Variants in ATPAF2 observed in about 807,000 individuals in gnomAD.
The protein encoded by ATPAF2 is ATP synthase mitochondrial F1 complex assembly factor 2.
A neutral mutation model predicts 36.6 loss-of-function variants in ATPAF2; 30 were observed. The observed-to-expected ratio is 0.82, with a 90% confidence interval of 0.61 to 1.11. The LOEUF (loss-of-function observed/expected upper bound fraction) is 1.11. Among genes scored for constraint, ATPAF2 ranks in the 50% most tolerant of loss-of-function variants. The pLI, the probability that ATPAF2 is intolerant of heterozygous loss-of-function variation, is 0.00. For synonymous variants in ATPAF2, 140 were observed against 152.6 expected (o/e 0.92, Z 0.61); for missense variants, 321 against 372.3 (o/e 0.86, Z 1.13).
At chr17:18,017,567 A>T (rs2044402734), downstream of ATPAF2, among the ~76,000 whole-genome samples, 1 of 152,242 alleles carries the variant, frequency 6.6e-6, no homozygotes, top group African/African-American at 2.4e-5. Context: ...TCCCAGCTCC[A>T]CCATGTCACC....
chr17:18,021,837 G>A lies in ATPAF2; in HGVS notation c.524C>T (p.Ser175Phe). 6.2e-7 allele frequency: 1 copy of A among 1,614,080 alleles called. No homozygotes were observed. The highest frequency in any genetic ancestry group is 8.5e-7 in the Non-Finnish European group (1 of 1,179,936). ...GCTGGGTCCCATTATGCTGGTGGAG[G>A]AGCTGATCTCCACGCCGTATCTGAA... ...AEKRYGVEIS[S>F]STSIMGPSIP... Residue 175 changes from serine (S) to phenylalanine (F), a missense_variant, in exon 6 of 8, where the codon TCC becomes TTC. Ser to Phe is a radical substitution (Grantham distance 155). Coordinates refer to ENST00000474627, the MANE Select transcript of ATPAF2 (RefSeq NM_145691.4).
intron 7 of ATPAF2, among the ~76,000 whole-genome samples, chr17:18,019,735 A>G (rs2044441821): frequency 6.6e-6 from 1 of 152,258 alleles, no homozygotes; most frequent in Non-Finnish European, 1.5e-5. Context: ...AGAATCCACC[A>G]TGCTACACAA....
chr17:18,029,368 C>A (rs2044594587), intron 1 of ATPAF2, among the ~76,000 whole-genome samples: 1 of 152,216 alleles, frequency 6.6e-6, no homozygotes, highest in South Asian at 2.1e-4. Context: ...ATTCCCTCAA[C>A]TGATAACAAA....
chr17:18,016,060 C>T (rs1429335152), downstream of ATPAF2: 2 of 1,613,016 alleles, frequency 1.2e-6, no homozygotes, highest in African/African-American at 1.3e-5. Context: ...TTTTCACTCA[C>T]CAGCTTTTTG....
At chr17:18,022,511 C>T (rs1035579783) in intron 5 of ATPAF2, among the ~76,000 whole-genome samples, 5 of 151,890 alleles carry the variant, frequency 3.3e-5, no homozygotes, top group South Asian at 2.1e-4. Flanking sequence ...CCTGGACTCA[C>T]GCGATCTGCC....
rs117739515 is a variant in ATPAF2, at chr17:18,018,419, A to G, written c.*130T>C. On this transcript the variant is annotated 3_prime_UTR_variant, in exon 8 of 8. Transcript: ENST00000474627. ...ACTAGCGCACTGTGTCTCGGGGGGA[A>G]TCTCAGGGTGACGCTGAGGCCGAGT... 1.7e-3 allele frequency: 2,137 copies of G among 1,255,238 alleles called. 47 individuals are homozygous for G. In the East Asian group the frequency reaches 0.046, roughly 27 times the overall value. The allele number at this position is 1,255,238 out of a possible 1,614,324, so 77.8% of individuals were successfully genotyped here. A position where few individuals can be genotyped will look rare whatever the true frequency, so the allele number is the denominator to read the frequency against.
chr17:18,021,260 C>T, intron 6 of ATPAF2, 22 bp from the exon 7 acceptor site: 1 of 1,597,676 alleles, frequency 6.3e-7, no homozygotes, highest in East Asian at 2.3e-5. Context: ...CAAGCCAAGT[C>T]AGAACCCAAA....
At chr17:18,016,641 C>T, downstream of ATPAF2, 4 of 1,613,496 alleles carry the variant, frequency 2.5e-6, no homozygotes, top group Non-Finnish European at 3.4e-6. Context: ...GCGAACTGGA[C>T]AACCTGGAAT....
chr17:18,028,594 G>T (rs780212457), intron 2 of ATPAF2, 21 bp downstream of exon 2: 6 of 1,558,228 alleles, frequency 3.9e-6, no homozygotes, highest in Non-Finnish European at 5.2e-6. Flanking sequence ...AAAAGAGGCA[G>T]TCAAAATTTC....
At chr17:18,038,575 C>T (rs1024008088) in intron 1 of ATPAF2, among the ~76,000 whole-genome samples, 2 of 152,208 alleles carry the variant, frequency 1.3e-5, no homozygotes, top group Admixed American at 6.5e-5. Context: ...ATTCAGAGCC[C>T]AAACTTCCCC....
intron 5 of ATPAF2, among the ~76,000 whole-genome samples, chr17:18,023,336 G>A (rs1191305255): frequency 6.7e-6 from 1 of 150,280 alleles, no homozygotes; most frequent in South Asian, 2.1e-4. Flanking sequence ...GCTGAGGCAC[G>A]AGAATCGTTT....
rs918250076 is a variant in ATPAF2 at position 18,028,105 on chromosome 17, G to C, written c.324+127C>G. The C allele has an allele frequency of 2.6e-5, 29 of 1,124,222 alleles. 1 individual carries two copies. The highest frequency in any genetic ancestry group is 2.7e-4 in the Middle Eastern group (1 of 3,724). 69.6% of individuals were successfully genotyped at this position (1,124,222 alleles called of 1,614,324 possible). The stretch of plus-strand genomic sequence containing the variant: ...TAGCACGTTAGTGACTTGAGAGGAG[G>C]TGAATCCCTGGGGGCCAGACAGGCA... On this transcript the variant is annotated intron_variant, in intron 3 of 7. Transcript: ENST00000474627.
At chr17:18,027,407 C>T (rs1361269507) in intron 3 of ATPAF2, among the ~76,000 whole-genome samples, 2 of 152,062 alleles carry the variant, frequency 1.3e-5, no homozygotes, top group East Asian at 1.9e-4. Context: ...AGCACAGCAG[C>T]GGCTGGGATG....
At position 18,039,089 on chromosome 17, in the gene ATPAF2, C is replaced by T. The variant is rs1158242845; in HGVS notation, c.-76G>A. The T allele has an allele frequency of 1.9e-6, 3 of 1,542,896 alleles. No homozygotes were observed. Among genetic ancestry groups the T allele is most frequent in the Non-Finnish European group, 1.7e-6 (2 of 1,143,822 alleles). ...CACAGAGCGATGGGATCCCCAAAGC[C>T]GCACGGTCGGGCTGTACGGAAACCT... On this transcript the variant is annotated 5_prime_UTR_variant, in exon 1 of 8. Transcript: ENST00000474627. This position sits in a 1 kb window ranked among gnomAD's most constrained non-coding sequence, Gnocchi z 5.3.
rs551921451 is a variant in ATPAF2, at chr17:18,019,212, G to A, written c.733-526C>T. On this transcript the variant is annotated intron_variant, in intron 7 of 7. Coordinates refer to ENST00000474627, the MANE Select transcript of ATPAF2 (RefSeq NM_145691.4). ...CCCACCACCCCACCCCCAGGGAGCC[G>A]GAGCAGGCACCTGTGCTCTCTGTGG... is the stretch of plus-strand genomic sequence containing the variant. Among the ~76,000 whole-genome samples the A allele has an allele frequency of 1.7e-4, 23 of 138,572 alleles. No homozygotes were observed. The South Asian group carries it at 3.4e-3, about 20-fold the overall frequency. 90.9% of individuals were successfully genotyped at this position (138,572 alleles called of 152,430 possible). A position where few individuals can be genotyped will look rare whatever the true frequency, so the allele number is the denominator to read the frequency against.
intron 1 of ATPAF2, among the ~76,000 whole-genome samples, chr17:18,037,612 A>G (rs924238127): frequency 6.6e-6 from 1 of 151,662 alleles, no homozygotes; most frequent in Non-Finnish European, 1.5e-5. Flanking sequence ...GAAGAAGAAG[A>G]AAAAAAAAGA....
chr17:18,028,777 C>A (rs945843525), intron 1 of ATPAF2, 118 bp from the exon 2 acceptor site: 1 of 991,534 alleles, frequency 1.0e-6, no homozygotes, highest in African/African-American at 1.6e-5. Context: ...ATTTTCATAT[C>A]CCCATTCAAG....
Position 18,026,410 on chromosome 17 carries a change from A to G in ATPAF2, c.331T>C (p.Leu111=). ...GGGTTGTCCAATGATGTGTTGCACA[A>G]TGTGGTCTGAATCAAAGGCAAAAAC... ...IKYYTMHLTT[L]CNTSLDNPTQ... The change falls in exon 4 of 8, where the codon TTG becomes CTG. Residue 111 remains leucine (L), a synonymous_variant. Coordinates refer to ENST00000474627, the MANE Select transcript of ATPAF2 (RefSeq NM_145691.4). 2 of 1,614,126 alleles carry G rather than the reference A, an allele frequency of 1.2e-6. No individual in the cohort carries two copies. Among genetic ancestry groups the G allele is most frequent in the Non-Finnish European group, 1.7e-6 (2 of 1,179,974 alleles).
rs781382059 is a variant in ATPAF2, at chr17:18,028,705, A to G, written c.134-46T>C. 1.1e-5 allele frequency: 17 copies of G among 1,573,640 alleles called. No individual in the cohort carries two copies. In the East Asian group the frequency reaches 3.8e-4, roughly 35 times the overall value. ...AGAGGCAGTTTAAAATAACGTTGAG[A>G]CAACTCAGGAAGCGACAGGACCAGC... is the stretch of plus-strand genomic sequence containing the variant. On this transcript the variant is annotated intron_variant, in intron 1 of 7. Transcript: ENST00000474627.
Sources: gnomAD v4.1 joint callset for allele counts (sites outside exome capture counted in the v4.1 genomes callset) on GRCh38, gnomAD v4.1.1 for gene constraint, Gnocchi (gnomAD v3.1) non-coding constraint, MANE v1.5 for transcripts, NCBI Gene and HGNC (gene_info 2026-07-23, HGNC 2026-07-21) for gene names.